The following TMEM117 variants were observed in gnomAD, a reference collection of about 807,000 sequenced individuals.
The protein encoded by TMEM117 is transmembrane protein 117.
TMEM117 carries 27 observed loss-of-function variants against 52.4 expected under a neutral mutation model. The ratio of observed to expected loss-of-function variants is 0.51; its 90% CI spans 0.38 to 0.71. The LOEUF (loss-of-function observed/expected upper bound fraction) is 0.71. Among genes scored for constraint, TMEM117 ranks in the 30% least tolerant of loss-of-function variants. The pLI, the probability that TMEM117 is intolerant of heterozygous loss-of-function variation, is 0.00. For missense variants in TMEM117, 556 were observed against 630.5 expected (o/e 0.88, Z 1.26); for synonymous variants, 215 against 206.3 (o/e 1.04, Z -0.36).
chr12:44,125,064 T>C (rs73093490), intron 3 of TMEM117, among the ~76,000 whole-genome samples: 11,194 of 152,198 alleles, frequency 0.074, 585 homozygotes, highest in Middle Eastern at 0.16. Context: ...GTAGTCTATT[T>C]ATTACTGCCT....
intron 3 of TMEM117, among the ~76,000 whole-genome samples, chr12:44,136,653 T>C (rs907665646): frequency 7.2e-5 from 11 of 152,148 alleles, no homozygotes; most frequent in Admixed American, 7.2e-4. Flanking sequence ...CTAAATCATG[T>C]ATTGATAAGT....
intron 5 of TMEM117, among the ~76,000 whole-genome samples, chr12:44,252,505 AAAACAAACAAAC>A (rs530874914): frequency 1.3e-5 from 2 of 152,122 alleles, no homozygotes; most frequent in Non-Finnish European, 2.9e-5. Context: ...CTCTGTCTCA[AAAACAAACAAAC>A]AAACAAACAA....
At chr12:43,878,751 G>A (rs1012456650) in intron 2 of TMEM117, among the ~76,000 whole-genome samples, 1 of 152,150 alleles carries the variant, frequency 6.6e-6, no homozygotes, top group African/African-American at 2.4e-5. Flanking sequence ...AAATGAGAAA[G>A]TTTAGAAACT....
At chr12:43,932,556 C>G (rs1461197546) in intron 2 of TMEM117, among the ~76,000 whole-genome samples, 1 of 152,116 alleles carries the variant, frequency 6.6e-6, no homozygotes, top group Non-Finnish European at 1.5e-5. Context: ...TAAAGTACAT[C>G]AAAAGAGTCC....
chr12:43,959,886 A>G (rs1034590672), intron 3 of TMEM117, among the ~76,000 whole-genome samples: 15 of 152,220 alleles, frequency 9.9e-5, no homozygotes, highest in Admixed American at 4.6e-4. Context: ...AAAAAGAGAT[A>G]CAATATGATT....
intron 6 of TMEM117, among the ~76,000 whole-genome samples, chr12:44,371,520 TTTG>T (rs1951863685): frequency 6.6e-6 from 1 of 152,198 alleles, no homozygotes; most frequent in Admixed American, 6.5e-5. Context: ...AAATGCAACT[TTTG>T]TTCTGATACT....
chr12:43,995,228 A>C (rs998038055), intron 3 of TMEM117, among the ~76,000 whole-genome samples: 5 of 151,328 alleles, frequency 3.3e-5, no homozygotes, highest in African/African-American at 4.9e-5. Flanking sequence ...CCGAGATTGC[A>C]CCACTGCACT....
At chr12:43,910,103 C>G (rs1174235790) in intron 2 of TMEM117, among the ~76,000 whole-genome samples, 1 of 110,526 alleles carries the variant, frequency 9.0e-6, no homozygotes, top group Non-Finnish European at 1.9e-5. Context: ...CAATAAAATA[C>G]TGGCAAACCG....
At chr12:43,830,728 G>T in the TMEM117 span, among the ~76,000 whole-genome samples, 2 of 152,006 alleles carry the variant, frequency 1.3e-5, no homozygotes, top group African/African-American at 4.8e-5. Context: ...GGGACATGAA[G>T]AATATAAGCA....
chr12:43,918,121 A>G (rs1286148483), intron 2 of TMEM117, among the ~76,000 whole-genome samples: 1 of 152,228 alleles, frequency 6.6e-6, no homozygotes, highest in Non-Finnish European at 1.5e-5. Flanking sequence ...TTTGACAAAA[A>G]TATAGCCTAC....
chr12:43,847,459 G>C (rs1592303080), intron 2 of TMEM117, among the ~76,000 whole-genome samples: 1 of 152,314 alleles, frequency 6.6e-6, no homozygotes, highest in East Asian at 1.9e-4. Context: ...TAAAGATGGA[G>C]GGGCTTGATG....
chr12:43,795,854 G>C, the TMEM117 span: 6 of 1,205,404 alleles, frequency 5.0e-6, no homozygotes, highest in African/African-American at 3.0e-5. Flanking sequence ...ACCCTTTCCA[G>C]TAAGGCAGAA....
chr12:43,918,656 G>A (rs142956188), intron 2 of TMEM117, among the ~76,000 whole-genome samples: 6 of 152,042 alleles, frequency 3.9e-5, no homozygotes, highest in East Asian at 1.9e-4. Flanking sequence ...TGCTTCCTTC[G>A]TACAGACGCT....
At chr12:44,115,006 C>T (rs842196) in intron 3 of TMEM117, among the ~76,000 whole-genome samples, 5,964 of 151,986 alleles carry the variant, frequency 0.039, 376 homozygotes, top group African/African-American at 0.14. Context: ...AGAAAAAGAC[C>T]GTAAATCATA....
At chr12:43,824,839 TGGTGTGAACCC>T in the TMEM117 span, among the ~76,000 whole-genome samples, 7 of 152,152 alleles carry the variant, frequency 4.6e-5, no homozygotes, top group Non-Finnish European at 7.3e-5. Context: ...TGAGGCAGAA[TGGTGTGAACCC>T]GGGAGGCGAA....
intron 4 of TMEM117, among the ~76,000 whole-genome samples, chr12:44,197,514 G>T (rs577555199): frequency 4.6e-5 from 7 of 151,720 alleles, no homozygotes; most frequent in South Asian, 2.1e-4. Context: ...CTAGAAGATG[G>T]TGTAAATATT....
At chr12:43,797,269 A>C in the TMEM117 span, 1 of 1,550,040 alleles carries the variant, frequency 6.5e-7, no homozygotes, top group Non-Finnish European at 8.7e-7. Context: ...AAACAAACTG[A>C]AAGTAATGTG....
At chr12:43,821,128 A>G in the TMEM117 span, among the ~76,000 whole-genome samples, 3 of 152,022 alleles carry the variant, frequency 2.0e-5, no homozygotes, top group Non-Finnish European at 4.4e-5. Flanking sequence ...AAAAAAGCAT[A>G]AAGACACAAA....
At chr12:43,833,590 T>TGTG (rs1471825387), upstream of TMEM117, among the ~76,000 whole-genome samples, 1 of 151,906 alleles carries the variant, frequency 6.6e-6, no homozygotes, top group African/African-American at 2.4e-5. Flanking sequence ...GGCCAGGAGT[T>TGTG]CACAATCAGG....
Sources: gnomAD v4.1 joint callset for allele counts (sites outside exome capture counted in the v4.1 genomes callset) on GRCh38, gnomAD v4.1.1 for gene constraint, MANE v1.5 for transcripts, NCBI Gene and HGNC (gene_info 2026-07-23, HGNC 2026-07-21) for gene names.